The following SGSH variants were observed in gnomAD, a reference collection of about 807,000 sequenced individuals.
The protein encoded by SGSH is heparan sulfate sulfatase.
SGSH carries 48 observed loss-of-function variants against 51.0 expected under a neutral mutation model. The ratio of observed to expected loss-of-function variants is 0.94; its 90% confidence interval spans 0.75 to 1.20. The LOEUF (loss-of-function observed/expected upper bound fraction) is 1.20, where lower values mean the gene tolerates loss of function less well. Ranked by LOEUF, SGSH falls within the 50% of genes most tolerant of loss-of-function variation. The pLI is 0.00. For synonymous variants in SGSH, 321 were observed against 313.4 expected (o/e 1.02, Z -0.26); for missense variants, 662 against 717.8 (o/e 0.92, Z 0.89).
intron 1 of SGSH, among the ~76,000 whole-genome samples, chr17:80,217,838 T>G (rs916404714): frequency 6.6e-6 from 1 of 151,368 alleles, no homozygotes; most frequent in Non-Finnish European, 1.5e-5. Flanking sequence ...GCAGGCATCA[T>G]ACCACAATAA....
chr17:80,203,852 G>C (rs1598704863), downstream of SGSH: 2 of 1,594,664 alleles, frequency 1.3e-6, no homozygotes, highest in Non-Finnish European at 1.7e-6. The surrounding 1 kb of genome is among the most constrained non-coding windows in gnomAD (Gnocchi z 4.6). Context: ...CCCTCATCCA[G>C]GACATGACTC....
downstream of SGSH, chr17:80,202,423 G>A (rs773973695): frequency 4.4e-6 from 7 of 1,608,664 alleles, no homozygotes; most frequent in Non-Finnish European, 5.9e-6. Flanking sequence ...TACTCCAGGT[G>A]AGCAGCTGCC....
intron 3 of SGSH, 97 bp downstream of exon 3, chr17:80,214,936 G>A (rs1567924171): frequency 5.4e-6 from 7 of 1,296,528 alleles, no homozygotes; most frequent in Non-Finnish European, 7.6e-6. Context: ...AGGCCACGGG[G>A]GCTGAGCGTG....
At chr17:80,207,087 T>G, downstream of SGSH, 1 of 1,609,286 alleles carries the variant, frequency 6.2e-7, no homozygotes, top group African/African-American at 1.3e-5. Context: ...GAAGCTCAAG[T>G]AGGTGCACGC....
chr17:80,205,446 C>G (rs190732227), downstream of SGSH: 9,939 of 1,522,690 alleles, frequency 6.5e-3, 49 homozygotes, highest in Middle Eastern at 7.7e-3. Flanking sequence ...TGGCAGGGTT[C>G]ACGGGGACAG....
At chr17:80,209,068 C>T (rs536492628), downstream of SGSH, 2 of 154,306 alleles carry the variant, frequency 1.3e-5, no homozygotes, top group South Asian at 4.1e-4. Flanking sequence ...GCCCAGCGGA[C>T]TCTGCCTTCC....
At chr17:80,219,230 C>T in intron 1 of SGSH, among the ~76,000 whole-genome samples, 1 of 151,524 alleles carries the variant, frequency 6.6e-6, no homozygotes, top group East Asian at 1.9e-4. Context: ...AGACCACCCC[C>T]ATCCGCTTGT....
the SGSH span, chr17:80,201,684 T>C: frequency 0.52 from 834,697 of 1,600,596 alleles, 220,743 homozygotes; most frequent in East Asian, 0.55. The surrounding 1 kb of genome is among the most constrained non-coding windows in gnomAD (Gnocchi z 5.0). Flanking sequence ...GCGCCTTCTG[T>C]CTTCTGGCTG....
At position 80,213,621 on chromosome 17, in the gene SGSH, C is replaced by T. The variant is rs898470906; in HGVS notation, c.745+183G>A. Reference sequence around the variant, plus strand: ...GAGCAGGTCCACATCAGGGCAGCCCCGGGGTTGGGTCCTGATGCCACCCAC... The same window carrying T: ...GAGCAGGTCCACATCAGGGCAGCCCTGGGGTTGGGTCCTGATGCCACCCAC... On this transcript the variant is annotated intron_variant, in intron 6 of 7. Transcript: ENST00000326317. This position sits in a 1 kb window ranked among gnomAD's most constrained non-coding sequence, Gnocchi z 4.6. 32 of 630,066 alleles carry T rather than the reference C, an allele frequency of 5.1e-5. No homozygotes were observed. The highest frequency in any genetic ancestry group is 4.9e-4 in the African/African-American group (27 of 55,040). 39.0% of individuals were successfully genotyped at this position (630,066 alleles called of 1,614,324 possible). A position where few individuals can be genotyped will look rare whatever the true frequency, so the allele number is the denominator to read the frequency against.
intron 2 of SGSH, chr17:80,216,653 T>G: frequency 3.7e-6 from 1 of 270,008 alleles, no homozygotes; most frequent in Non-Finnish European, 7.2e-6. Context: ...CCTGGGACAC[T>G]GTGGCCATGG....
chr17:80,204,417 T>C (rs2041163687), downstream of SGSH: 3 of 1,399,536 alleles, frequency 2.1e-6, no homozygotes, highest in East Asian at 7.7e-5. Flanking sequence ...TGCTAGTTGG[T>C]CAGCTGGGGC....
downstream of SGSH, chr17:80,208,151 C>T (rs1410862007): frequency 2.1e-5 from 32 of 1,543,086 alleles, no homozygotes; most frequent in Non-Finnish European, 2.6e-5. Context: ...GGGCCTACAG[C>T]GGTTGGGCAC....
downstream of SGSH, chr17:80,204,059 A>G: frequency 1.2e-6 from 1 of 811,642 alleles, no homozygotes; most frequent in East Asian, 2.7e-5. Context: ...GCCCCTGCCC[A>G]GCCTGCAGGC....
At chr17:80,202,743 G>A, downstream of SGSH, 1 of 521,514 alleles carries the variant, frequency 1.9e-6, no homozygotes, top group South Asian at 3.4e-5. Flanking sequence ...AGGATATAGA[G>A]CAGCATCCCT....
downstream of SGSH, chr17:80,207,150 G>T: frequency 8.6e-7 from 1 of 1,166,316 alleles, no homozygotes; most frequent in Non-Finnish European, 1.3e-6. Context: ...CAAAGCCCAC[G>T]GCAGGTGCCT....
Position 80,214,572 on chromosome 17 carries a change from G to GT in SGSH, c.506+42dup, listed in dbSNP as rs141512525. 2.4e-4 allele frequency: 384 copies of GT among 1,593,780 alleles called. 1 individual carries two copies. The African/African-American group carries it at 4.8e-3, about 20-fold the overall frequency. On this transcript the variant is annotated intron_variant, in intron 4 of 7. Transcript: ENST00000326317. ...CCGGAAGACTCCGGGCTGTGCTCTG[G>GT]TACCGGCCGCCAGGGGGAAGGGGCA... is the stretch of plus-strand genomic sequence containing the variant.
Position 80,210,439 on chromosome 17 carries a change from C to A in SGSH, c.*13G>T, listed in dbSNP as rs779134651. The A allele has an allele frequency of 6.9e-6, 11 of 1,584,982 alleles. No homozygotes were observed. Among genetic ancestry groups the A allele is most frequent in the Non-Finnish European group, 8.5e-7 (1 of 1,171,500 alleles). The stretch of plus-strand genomic sequence containing the variant: ...GACATGCCTGGGATGTGTGCACAGG[C>A]CTCCTGGGATGGTCACAGCTCATTG... On this transcript the variant is annotated 3_prime_UTR_variant, in exon 8 of 8. Transcript: ENST00000326317.
Position 80,212,198 on chromosome 17 carries a change from G to C in SGSH, c.822C>G (p.Asn274Lys), listed in dbSNP as rs138927823. 1 of 1,613,424 alleles carries C rather than the reference G, an allele frequency of 6.2e-7. No individual in the cohort carries two copies. The highest frequency in any genetic ancestry group is 1.1e-5 in the South Asian group (1 of 91,076). The change falls in exon 7 of 8, where the codon AAC becomes AAG. Residue 274 changes from asparagine (N) to lysine (K), a missense_variant. Physicochemically the swap from Asn to Lys is moderately conservative, Grantham distance 94. Transcript: ENST00000326317. The surrounding 1 kb of genome is among the most constrained non-coding windows in gnomAD (Gnocchi z 5.9). Reference sequence around the variant, plus strand: ...TCCTGCCGCTGGGGAAGGGGATCCCGTTGTCGGACGTGAAGATCACCAGTG... The same window carrying C: ...TCCTGCCGCTGGGGAAGGGGATCCCCTTGTCGGACGTGAAGATCACCAGTG... ...NDTLVIFTSDNGIPFPSGRTN... is the reference protein window; with the variant it reads ...NDTLVIFTSDKGIPFPSGRTN...
At chr17:80,216,703 T>C (rs1446729664) in intron 2 of SGSH, 4 of 370,144 alleles carry the variant, frequency 1.1e-5, no homozygotes, top group African/African-American at 8.1e-5. Context: ...TCGCACTAAG[T>C]GTTTACATAC....
Sources: allele counts gnomAD v4.1 joint callset (sites outside exome capture counted in the v4.1 genomes callset), GRCh38; gene constraint gnomAD v4.1.1; non-coding constraint Gnocchi (gnomAD v3.1); transcripts MANE v1.5; gene names NCBI Gene and HGNC (gene_info 2026-07-23, HGNC 2026-07-21).